NME8: variants seen among roughly 807,000 people sequenced by gnomAD.
NME8 encodes protein NME8.
A neutral mutation model predicts 82.3 loss-of-function variants in NME8; 72 were observed. That is an observed-to-expected ratio of 0.87 (90% CI 0.72 to 1.06). The LOEUF (loss-of-function observed/expected upper bound fraction) is 1.06. NME8 is among the 50% of genes least tolerant of loss of function. The pLI, the probability that NME8 is intolerant of heterozygous loss-of-function variation, is 0.00. For synonymous variants in NME8, 267 were observed against 228.5 expected (o/e 1.17, Z -1.52); for missense variants, 712 against 685.4 (o/e 1.04, Z -0.43).
rs1784627387 is a variant in NME8, at chr7:37,863,382, T to C, written c.388-14T>C. The C allele has an allele frequency of 6.6e-7, 1 of 1,523,352 alleles. No homozygotes were observed. The highest frequency in any genetic ancestry group is 9.1e-7 in the Non-Finnish European group (1 of 1,097,728). The allele number at this position is 1,523,352 out of a possible 1,614,324, so 94.4% of individuals were successfully genotyped here. Reference sequence around the variant, plus strand: ...ATAACTGTGTTATCTTTGCATTGCATTTCTTTTTCATAGTATCCTGAAATT... The same window carrying C: ...ATAACTGTGTTATCTTTGCATTGCACTTCTTTTTCATAGTATCCTGAAATT... On this transcript the variant is annotated splice_polypyrimidine_tract_variant and intron_variant, in intron 7 of 17. Coordinates refer to ENST00000199447, the MANE Select transcript of NME8 (RefSeq NM_016616.5).
intron 12 of NME8, among the ~76,000 whole-genome samples, chr7:37,882,578 A>G (rs1055917948): frequency 8.4e-5 from 4 of 47,660 alleles, no homozygotes; most frequent in Non-Finnish European, 1.7e-4. Context: ...AAAGAAAGAA[A>G]GAAAGAAAGA....
At chr7:37,880,876 A>G (rs1222143362) in intron 12 of NME8, among the ~76,000 whole-genome samples, 1 of 151,650 alleles carries the variant, frequency 6.6e-6, no homozygotes, top group East Asian at 1.9e-4. Context: ...TTGCCCATGT[A>G]TTTTCTTTTT....
intron 15 of NME8, among the ~76,000 whole-genome samples, chr7:37,891,627 A>G (rs149432473): frequency 1.3e-5 from 2 of 152,002 alleles, no homozygotes; most frequent in African/African-American, 4.8e-5. Context: ...TGCAATATCT[A>G]TCAGAGTTGT....
At chr7:37,887,784 A>G (rs927358033) in intron 14 of NME8, among the ~76,000 whole-genome samples, 11 of 152,124 alleles carry the variant, frequency 7.2e-5, no homozygotes, top group Admixed American at 3.3e-4. Context: ...GGCAGAAGGT[A>G]CCTCTTCACA....
chr7:37,884,718 A>G (rs1785014842), intron 13 of NME8, among the ~76,000 whole-genome samples: 1 of 152,226 alleles, frequency 6.6e-6, no homozygotes, highest in Non-Finnish European at 1.5e-5. Flanking sequence ...AGGGTGTACA[A>G]TACTATGAAG....
In NME8 at chr7:37,863,446, AC is replaced by A; in HGVS notation, c.440del (p.Pro147HisfsTer19). On this transcript the variant is annotated frameshift_variant, in exon 8 of 18. Coordinates refer to ENST00000199447, the MANE Select transcript of NME8 (RefSeq NM_016616.5). LOFTEE classifies it high-confidence loss of function. Reference sequence around the variant, plus strand: ...CAGATTCAGAAGTTAGTGAAGAATCACCATGTGAAAGTGTTCGTAAGTAAAT... The same window carrying A: ...CAGATTCAGAAGTTAGTGAAGAATCACATGTGAAAGTGTTCGTAAGTAAAT... The part of the protein sequence containing the change: ...DSDSEVSEES[P>X]CESVQELYSI... 6.3e-7 allele frequency: 1 copy of A among 1,598,376 alleles called. No individual in the cohort carries two copies. Among genetic ancestry groups the A allele is most frequent in the Non-Finnish European group, 8.6e-7 (1 of 1,165,672 alleles).
In NME8 at chr7:37,851,229, A is replaced by C. The variant is rs191386769; in HGVS notation, c.198+494A>C. 6.6e-4 allele frequency among the ~76,000 whole-genome samples: 101 copies of C among 152,368 alleles called. 1 individual carries two copies. Among genetic ancestry groups the C allele is most frequent in the African/African-American group, 2.2e-3 (92 of 41,600 alleles). Reference sequence around the variant, plus strand: ...CTGTTTTTTCAATCTATTCACATAAAATGATCAACTAATTAGAATTTCGTT... The same window carrying C: ...CTGTTTTTTCAATCTATTCACATAACATGATCAACTAATTAGAATTTCGTT... On this transcript the variant is annotated intron_variant, in intron 5 of 17. Coordinates refer to ENST00000199447, the MANE Select transcript of NME8 (RefSeq NM_016616.5).
rs76502310 is a variant in NME8, at chr7:37,866,813, G to A, written c.622-889G>A. ...CTGATGACATGTTTCCAAGGTGGTC[G>A]GGGCACAGCTTGATTTTATACATTT... On this transcript the variant is annotated intron_variant, in intron 10 of 17. Transcript: ENST00000199447. Among the ~76,000 whole-genome samples, 1,258 of 152,164 alleles carry A rather than the reference G, an allele frequency of 8.3e-3. 7 individuals are homozygous for A. Among genetic ancestry groups the A allele is most frequent in the Admixed American group, 0.01 (154 of 15,284 alleles).
chr7:37,881,725 A>G (rs993853076), intron 12 of NME8, among the ~76,000 whole-genome samples: 7 of 152,172 alleles, frequency 4.6e-5, no homozygotes, highest in African/African-American at 1.4e-4. Flanking sequence ...TTTCCAGAGA[A>G]TTGGTGTCAT....
intron 15 of NME8, among the ~76,000 whole-genome samples, chr7:37,890,205 A>G (rs1253190604): frequency 1.3e-5 from 2 of 151,934 alleles, no homozygotes; most frequent in Non-Finnish European, 2.9e-5. Flanking sequence ...TCTCACACAT[A>G]AAATCCATAA....
intron 11 of NME8, among the ~76,000 whole-genome samples, chr7:37,869,177 T>C (rs3807171): frequency 0.45 from 68,437 of 151,966 alleles, 15,930 homozygotes; most frequent in Non-Finnish European, 0.51. Context: ...TGTTGGCTCC[T>C]AGTGATGCCA....
chr7:37,859,670 C>A (rs1784569721), intron 6 of NME8, among the ~76,000 whole-genome samples: 1 of 152,306 alleles, frequency 6.6e-6, no homozygotes, highest in East Asian at 1.9e-4. Context: ...CAGATCAGGT[C>A]TATTGATGAC....
intron 15 of NME8, among the ~76,000 whole-genome samples, chr7:37,893,913 A>T (rs144449598): frequency 6.6e-6 from 1 of 151,630 alleles, no homozygotes; most frequent in Non-Finnish European, 1.5e-5. Context: ...CTCCCAGACC[A>T]CTCTATGTGC....
intron 6 of NME8, among the ~76,000 whole-genome samples, chr7:37,860,183 A>G (rs1429509464): frequency 1.3e-5 from 2 of 152,228 alleles, no homozygotes; most frequent in Admixed American, 1.3e-4. Context: ...AGTCTTTTCA[A>G]TTTAAAAAAT....
chr7:37,892,774 G>T (rs1439092967), intron 15 of NME8, among the ~76,000 whole-genome samples: 3 of 151,750 alleles, frequency 2.0e-5, no homozygotes, highest in Admixed American at 2.0e-4. Context: ...TTCTGGTTTT[G>T]AGTTTGAAGT....
intron 11 of NME8, among the ~76,000 whole-genome samples, chr7:37,872,069 G>A (rs1453512592): frequency 6.6e-6 from 1 of 151,770 alleles, no homozygotes; most frequent in Non-Finnish European, 1.5e-5. Context: ...CCGAGAGTTT[G>A]GGGAGCTCCT....
chr7:37,879,219 G>C (rs1784905921), intron 12 of NME8, among the ~76,000 whole-genome samples: 1 of 152,084 alleles, frequency 6.6e-6, no homozygotes, highest in South Asian at 2.1e-4. Flanking sequence ...GGTGACCTCA[G>C]ATCCCTGCAA....
At chr7:37,877,272 G>T (rs759030023) in intron 12 of NME8, among the ~76,000 whole-genome samples, 1 of 152,134 alleles carries the variant, frequency 6.6e-6, no homozygotes, top group Admixed American at 6.6e-5. Flanking sequence ...AAGATTTAAA[G>T]CTTCTATGTC....
intron 2 of NME8, among the ~76,000 whole-genome samples, chr7:37,849,487 A>G (rs1376675728): frequency 6.6e-6 from 1 of 152,208 alleles, no homozygotes; most frequent in African/African-American, 2.4e-5. Flanking sequence ...CTAGCATACA[A>G]TAGTCCTTCC....
Sources: gnomAD v4.1 joint callset for allele counts (sites outside exome capture counted in the v4.1 genomes callset) on GRCh38, gnomAD v4.1.1 for gene constraint, MANE v1.5 for transcripts, NCBI Gene and HGNC (gene_info 2026-07-23, HGNC 2026-07-21) for gene names.